PPM1A: variants seen among roughly 807,000 people sequenced by gnomAD.
PPM1A encodes protein phosphatase, Mg2+/Mn2+ dependent 1A, also known as protein phosphatase 1A.
A neutral mutation model predicts 35.0 loss-of-function variants in PPM1A; 7 were observed. The observed-to-expected ratio is 0.20, with a 90% CI of 0.11 to 0.38. PPM1A has a LOEUF of 0.38. PPM1A is among the 10% of genes least tolerant of loss of function. The pLI, the probability that PPM1A is intolerant of heterozygous loss-of-function variation, is 1.00. For synonymous variants in PPM1A, 153 were observed against 167.3 expected (o/e 0.91, Z 0.66); for missense variants, 239 against 467.8 (o/e 0.51, Z 4.51).
intron 1 of PPM1A, among the ~76,000 whole-genome samples, chr14:60,267,649 G>C (rs1884553522): frequency 6.6e-6 from 1 of 152,070 alleles, no homozygotes; most frequent in South Asian, 2.1e-4. Context: ...CTTAGGGCTT[G>C]AAGGATCTTG....
chr14:60,258,464 TC>T (rs1471529958), intron 1 of PPM1A, among the ~76,000 whole-genome samples: 1 of 152,166 alleles, frequency 6.6e-6, no homozygotes, highest in African/African-American at 2.4e-5. Flanking sequence ...ATGTTTTTTC[TC>T]TTTTGTTCCC....
At chr14:60,277,117 A>T (rs1182502064) in intron 1 of PPM1A, 1 of 988,132 alleles carries the variant, frequency 1.0e-6, no homozygotes, top group Admixed American at 4.1e-5. Flanking sequence ...TCTCTCAGAA[A>T]CTAACTAAAA....
chr14:60,286,603 T>C (rs1887042432), intron 3 of PPM1A: 1 of 985,200 alleles, frequency 1.0e-6, no homozygotes, highest in Non-Finnish European at 1.2e-6. Context: ...GTTAAAGACC[T>C]CTAATCGCAT....
chr14:60,275,079 T>TC (rs1387813511), intron 1 of PPM1A, among the ~76,000 whole-genome samples: 17 of 151,698 alleles, frequency 1.1e-4, no homozygotes, highest in African/African-American at 3.9e-4. Context: ...CTTTTTTTTT[T>TC]TTTTAAGGTC....
At chr14:60,252,109 G>T (rs990531521) in intron 1 of PPM1A, among the ~76,000 whole-genome samples, 3 of 152,104 alleles carry the variant, frequency 2.0e-5, no homozygotes, top group African/African-American at 7.2e-5. Context: ...CTTTTAGTTT[G>T]TTCAGATTAC....
At chr14:60,272,871 A>C (rs1430676735) in intron 1 of PPM1A, among the ~76,000 whole-genome samples, 2 of 152,068 alleles carry the variant, frequency 1.3e-5, no homozygotes, top group Non-Finnish European at 2.9e-5. Flanking sequence ...TGAGATGGCT[A>C]ATATCAATTT....
At chr14:60,255,921 C>A (rs1227577735) in intron 1 of PPM1A, among the ~76,000 whole-genome samples, 1 of 152,132 alleles carries the variant, frequency 6.6e-6, no homozygotes, top group Non-Finnish European at 1.5e-5. Context: ...TTTACATTTG[C>A]AAATATTATC....
At chr14:60,287,352 T>C (rs1392536539) in intron 3 of PPM1A, 9 of 982,962 alleles carry the variant, frequency 9.2e-6, no homozygotes, top group Non-Finnish European at 1.1e-5. Flanking sequence ...ATTATACTTG[T>C]ACCATTCAAT....
chr14:60,257,459 A>G (rs1883265343), intron 1 of PPM1A, among the ~76,000 whole-genome samples: 1 of 152,218 alleles, frequency 6.6e-6, no homozygotes, highest in Non-Finnish European at 1.5e-5. Flanking sequence ...ATGAGAAAGC[A>G]TGGGTCATGT....
At chr14:60,288,620 A>G in intron 3 of PPM1A, 1 of 879,854 alleles carries the variant, frequency 1.1e-6, no homozygotes, top group South Asian at 5.2e-5. Context: ...AAAATAATAG[A>G]TGGTAAAAAT....
chr14:60,292,971 T>C lies in PPM1A; in HGVS notation c.*489T>C, dbSNP rs1300224498. ...CAAATGTGCAGATGATTATGGAAAATAACCTCAAAATCTTACAAAGCTGAA... is the reference window on the plus strand; with the variant it reads ...CAAATGTGCAGATGATTATGGAAAACAACCTCAAAATCTTACAAAGCTGAA... On this transcript the variant is annotated 3_prime_UTR_variant, in exon 6 of 6. Coordinates refer to ENST00000395076, the MANE Select transcript of PPM1A (RefSeq NM_021003.5). The surrounding 1 kb of genome is among the most constrained non-coding windows in gnomAD (Gnocchi z 4.2). The C allele has an allele frequency of 6.6e-6, 1 of 152,334 alleles. No homozygotes were observed. Among genetic ancestry groups the C allele is most frequent in the Non-Finnish European group, 1.5e-5 (1 of 68,214 alleles). The allele number at this position is 152,334 out of a possible 1,614,324, so 9.4% of individuals were successfully genotyped here. A position where few individuals can be genotyped will look rare whatever the true frequency, so the allele number is the denominator to read the frequency against.
chr14:60,273,388 G>A lies in PPM1A; in HGVS notation c.-20-9296G>A, dbSNP rs964009967. Among the ~76,000 whole-genome samples the A allele has an allele frequency of 6.6e-6, 1 of 152,076 alleles. No homozygotes were observed. Among genetic ancestry groups the A allele is most frequent in the Non-Finnish European group, 1.5e-5 (1 of 68,008 alleles). Reference sequence around the variant, plus strand: ...AGGAAGGAAGTATGATGAGTACTAGGTACTGTAAGAAAACCCTTGTGGTTG... The same window carrying A: ...AGGAAGGAAGTATGATGAGTACTAGATACTGTAAGAAAACCCTTGTGGTTG... On this transcript the variant is annotated intron_variant, in intron 1 of 5. Coordinates refer to ENST00000395076, the MANE Select transcript of PPM1A (RefSeq NM_021003.5). This position sits in a 1 kb window ranked among gnomAD's most constrained non-coding sequence, Gnocchi z 4.3.
chr14:60,292,709 C>A lies in PPM1A; in HGVS notation c.*227C>A, dbSNP rs1022169318. 2 of 368,948 alleles carry A rather than the reference C, an allele frequency of 5.4e-6. No homozygotes were observed. Among genetic ancestry groups the A allele is most frequent in the East Asian group, 3.9e-5 (1 of 25,816 alleles). The allele number at this position is 368,948 out of a possible 1,614,324, so 22.9% of individuals were successfully genotyped here. On this transcript the variant is annotated 3_prime_UTR_variant, in exon 6 of 6. Coordinates refer to ENST00000395076, the MANE Select transcript of PPM1A (RefSeq NM_021003.5). This position sits in a 1 kb window ranked among gnomAD's most constrained non-coding sequence, Gnocchi z 4.2. ...GTAAGCGTGATTTCAAACCATAATTCGTGTTGTAAATCAGACTCCAGCAAT... is the reference window on the plus strand; with the variant it reads ...GTAAGCGTGATTTCAAACCATAATTAGTGTTGTAAATCAGACTCCAGCAAT...
intron 1 of PPM1A, chr14:60,277,153 T>A: frequency 1.6e-6 from 1 of 620,096 alleles, no homozygotes; most frequent in Non-Finnish European, 2.2e-6. Flanking sequence ...TTGAATCCCC[T>A]TGGGATTTAC....
Position 60,264,285 on chromosome 14 carries a change from G to A in PPM1A, c.-21+14608G>A, listed in dbSNP as rs1471164577. On this transcript the variant is annotated intron_variant, in intron 1 of 5. Coordinates refer to ENST00000395076, the MANE Select transcript of PPM1A (RefSeq NM_021003.5). ...AAACTTGGCAAACTTGGATCTCTGAGAAGTTCGATCTCTGCCTAATTGTTA... is the reference window on the plus strand; with the variant it reads ...AAACTTGGCAAACTTGGATCTCTGAAAAGTTCGATCTCTGCCTAATTGTTA... Among the ~76,000 whole-genome samples the A allele has an allele frequency of 2.6e-5, 4 of 152,066 alleles. No homozygotes were observed. The South Asian group carries it at 8.3e-4, about 32-fold the overall frequency.
Position 60,298,902 on chromosome 14 carries a change from T to C in PPM1A, c.*6420T>C, listed in dbSNP as rs1209264292. 2 of 151,936 alleles carry C rather than the reference T, an allele frequency of 1.3e-5. No individual in the cohort carries two copies. Among genetic ancestry groups the C allele is most frequent in the Non-Finnish European group, 2.9e-5 (2 of 67,810 alleles). 9.4% of individuals were successfully genotyped at this position (151,936 alleles called of 1,614,324 possible). A position where few individuals can be genotyped will look rare whatever the true frequency, so the allele number is the denominator to read the frequency against. On this transcript the variant is annotated 3_prime_UTR_variant, in exon 6 of 6. Transcript: ENST00000395076. Reference sequence around the variant, plus strand: ...ATAAATGTATATTTTGTATTATGTATTATTTCCTGGTCCAAAGAAAATATG... The same window carrying C: ...ATAAATGTATATTTTGTATTATGTACTATTTCCTGGTCCAAAGAAAATATG...
Position 60,249,292 on chromosome 14 carries a change from G to A in PPM1A, c.-406G>A, listed in dbSNP as rs1475896649. The A allele has an allele frequency of 2.0e-6, 2 of 984,134 alleles. No homozygotes were observed. Among genetic ancestry groups the A allele is most frequent in the South Asian group, 4.5e-5 (1 of 22,058 alleles). 61.0% of individuals were successfully genotyped at this position (984,134 alleles called of 1,614,324 possible). On this transcript the variant is annotated 5_prime_UTR_variant, in exon 1 of 6. Transcript: ENST00000395076. This position sits in a 1 kb window ranked among gnomAD's most constrained non-coding sequence, Gnocchi z 4.5. ...GCGGGAGCTAGAGAGCAGTGGTCTC[G>A]GCGCTCGTCCGGCCCGCAGCTTCGG...
chr14:60,250,515 A>C (rs1882257952), intron 1 of PPM1A: 3 of 766,360 alleles, frequency 3.9e-6, no homozygotes, highest in Non-Finnish European at 4.8e-6. Context: ...ACCACATGGT[A>C]CAAATCCACA....
At position 60,258,397 on chromosome 14, in the gene PPM1A, C is replaced by A. The variant is rs77915364; in HGVS notation, c.-21+8720C>A. On this transcript the variant is annotated intron_variant, in intron 1 of 5. Coordinates refer to ENST00000395076, the MANE Select transcript of PPM1A (RefSeq NM_021003.5). ...CATCCATGAATGTTGAATGAATGAG[C>A]AGATTAATAAATAAATAGCTCAGGG... Among the ~76,000 whole-genome samples, 542 of 152,154 alleles carry A rather than the reference C, an allele frequency of 3.6e-3. 3 individuals carry two copies. Among genetic ancestry groups the A allele is most frequent in the African/African-American group, 0.012 (503 of 41,534 alleles).
Sources: allele counts gnomAD v4.1 joint callset (sites outside exome capture counted in the v4.1 genomes callset), GRCh38; gene constraint gnomAD v4.1.1; non-coding constraint Gnocchi (gnomAD v3.1); transcripts MANE v1.5; gene names NCBI Gene and HGNC (gene_info 2026-07-23, HGNC 2026-07-21).